Variants in DMRT1 observed in about 807,000 individuals in gnomAD.
The protein encoded by DMRT1 is doublesex and mab-3 related transcription factor 1, also known as doublesex- and mab-3-related transcription factor 1.
A neutral mutation model predicts 32.3 loss-of-function variants in DMRT1; 7 were observed. The ratio of observed to expected loss-of-function variants is 0.22; its 90% CI spans 0.12 to 0.41. The LOEUF (loss-of-function observed/expected upper bound fraction) is 0.41, where lower values mean the gene tolerates loss of function less well. DMRT1 is among the 10% of genes least tolerant of loss of function. The pLI, the probability that DMRT1 is intolerant of heterozygous loss-of-function variation, is 1.00. For missense variants in DMRT1, 625 were observed against 500.5 expected, an observed-to-expected ratio of 1.25 and a Z score of -2.37; for synonymous variants, 278 against 206.1, an observed-to-expected ratio of 1.35 and a Z score of -2.99.
chr9:876,190 G>C (rs868649339), intron 2 of DMRT1, among the ~76,000 whole-genome samples: 1 of 152,320 alleles, frequency 6.6e-6, no homozygotes, highest in Non-Finnish European at 1.5e-5. Context: ...AACATAGTTA[G>C]GTTAGCAGCA....
chr9:910,678 C>G (rs529081715), intron 3 of DMRT1, among the ~76,000 whole-genome samples: 2 of 152,036 alleles, frequency 1.3e-5, no homozygotes, highest in Non-Finnish European at 1.5e-5. Flanking sequence ...AACACAACTC[C>G]AAGGTCTTGG....
At chr9:910,458 T>A (rs1329624161) in intron 3 of DMRT1, among the ~76,000 whole-genome samples, 1 of 152,186 alleles carries the variant, frequency 6.6e-6, no homozygotes, top group Non-Finnish European at 1.5e-5. Flanking sequence ...CTGTTCACTT[T>A]GATGCAAGAC....
At chr9:926,631 C>G (rs1392460045) in intron 4 of DMRT1, among the ~76,000 whole-genome samples, 1 of 151,466 alleles carries the variant, frequency 6.6e-6, no homozygotes, top group Non-Finnish European at 1.5e-5. Flanking sequence ...ATACACAGAG[C>G]AACTACACAG....
At position 859,536 on chromosome 9, in the gene DMRT1, G is replaced by A. The variant is rs144545992; in HGVS notation, c.538+12393G>A. On this transcript the variant is annotated intron_variant, in intron 2 of 4. Transcript: ENST00000382276. ...TATGCAAATGTATATGTGCATTTCT[G>A]TTTCAGCCTGAAGGTGTCTTCACTT... Among the ~76,000 whole-genome samples the A allele has an allele frequency of 3.3e-3, 507 of 152,244 alleles. 1 individual carries two copies. Among genetic ancestry groups the A allele is most frequent in the African/African-American group, 0.012 (496 of 41,536 alleles).
At chr9:864,636 C>T (rs1437784834) in intron 2 of DMRT1, among the ~76,000 whole-genome samples, 3 of 151,968 alleles carry the variant, frequency 2.0e-5, no homozygotes, top group Non-Finnish European at 2.9e-5. Context: ...GCAGCTGGGA[C>T]TACAGGCGCC....
intron 2 of DMRT1, among the ~76,000 whole-genome samples, chr9:858,247 G>C (rs1000371315): frequency 6.6e-6 from 1 of 152,284 alleles, no homozygotes; most frequent in East Asian, 1.9e-4. Context: ...TTCAGACCTG[G>C]TTGTAGCATT....
intron 4 of DMRT1, among the ~76,000 whole-genome samples, chr9:917,718 CTT>C (rs1818228825): frequency 6.6e-6 from 1 of 152,168 alleles, no homozygotes; most frequent in African/African-American, 2.4e-5. Context: ...TAACTTGACT[CTT>C]TAGAGAACTT....
chr9:934,579 CTG>C (rs529100026), intron 4 of DMRT1, among the ~76,000 whole-genome samples: 7 of 152,172 alleles, frequency 4.6e-5, no homozygotes, highest in Non-Finnish European at 7.3e-5. Flanking sequence ...ATTGCCAAAT[CTG>C]TGTCATATTG....
chr9:914,346 G>A (rs1224915359), intron 3 of DMRT1, among the ~76,000 whole-genome samples: 6 of 151,868 alleles, frequency 4.0e-5, no homozygotes, highest in Admixed American at 2.0e-4. Flanking sequence ...AGGCCGAGGC[G>A]GGCAGATCAC....
chr9:898,630 C>G (rs1056359119), intron 3 of DMRT1, among the ~76,000 whole-genome samples: 3 of 152,218 alleles, frequency 2.0e-5, no homozygotes, highest in Non-Finnish European at 4.4e-5. Flanking sequence ...AGGTGCCCCA[C>G]CGCTGCACTT....
At chr9:870,251 T>A (rs1317288944) in intron 2 of DMRT1, among the ~76,000 whole-genome samples, 2 of 152,000 alleles carry the variant, frequency 1.3e-5, no homozygotes, top group African/African-American at 4.8e-5. Flanking sequence ...TACAAAAAAT[T>A]AGCTGGGCGT....
chr9:952,762 C>T (rs1328189723), intron 4 of DMRT1, among the ~76,000 whole-genome samples: 1 of 152,162 alleles, frequency 6.6e-6, no homozygotes, highest in African/African-American at 2.4e-5. Context: ...ACCTGATCTA[C>T]TTGGAATGTG....
chr9:851,535 G>C (rs949836116), intron 2 of DMRT1, among the ~76,000 whole-genome samples: 2 of 152,122 alleles, frequency 1.3e-5, no homozygotes, highest in East Asian at 1.9e-4. Flanking sequence ...ACTGCATCTG[G>C]CCTTAGTAGA....
intron 2 of DMRT1, among the ~76,000 whole-genome samples, chr9:855,182 C>T (rs1182767618): frequency 6.6e-6 from 1 of 152,004 alleles, no homozygotes; most frequent in African/African-American, 2.4e-5. Flanking sequence ...TAGAAACTTT[C>T]TGTGGATAGT....
intron 4 of DMRT1, among the ~76,000 whole-genome samples, chr9:937,479 C>T (rs952745013): frequency 1.3e-5 from 2 of 152,172 alleles, no homozygotes; most frequent in Non-Finnish European, 2.9e-5. Flanking sequence ...CATGATGGTT[C>T]AACTTTTTCC....
At chr9:859,130 C>T (rs920222799) in intron 2 of DMRT1, among the ~76,000 whole-genome samples, 1 of 152,134 alleles carries the variant, frequency 6.6e-6, no homozygotes, top group African/African-American at 2.4e-5. Context: ...TGTAGACTCA[C>T]ATGAGTTACG....
At chr9:943,048 G>C (rs1819128286) in intron 4 of DMRT1, among the ~76,000 whole-genome samples, 1 of 151,730 alleles carries the variant, frequency 6.6e-6, no homozygotes, top group African/African-American at 2.4e-5. Flanking sequence ...TCTTAGTTTG[G>C]GTTTCACATA....
intron 1 of DMRT1, among the ~76,000 whole-genome samples, chr9:843,218 C>T (rs1019403874): frequency 3.3e-5 from 5 of 152,194 alleles, no homozygotes; most frequent in African/African-American, 4.8e-5. Context: ...AAGGGAGGCT[C>T]GGCCGGCTGC....
intron 4 of DMRT1, among the ~76,000 whole-genome samples, chr9:927,605 T>C (rs1211452694): frequency 6.6e-6 from 1 of 152,216 alleles, no homozygotes; most frequent in African/African-American, 2.4e-5. Flanking sequence ...TAGCTTTATA[T>C]GTATTTATAT....
Sources: gnomAD v4.1 joint callset for allele counts (sites outside exome capture counted in the v4.1 genomes callset) on GRCh38, gnomAD v4.1.1 for gene constraint, MANE v1.5 for transcripts, NCBI Gene and HGNC (gene_info 2026-07-23, HGNC 2026-07-21) for gene names.